PLD5: variants seen among roughly 807,000 people sequenced by gnomAD.
PLD5 encodes the protein phospholipase D family member 5, also known as inactive phospholipase D5.
In PLD5, 36 loss-of-function variants were observed where a neutral mutation model predicts 61.1. That is an observed-to-expected ratio of 0.59 (90% confidence interval 0.45 to 0.78). PLD5 has a LOEUF of 0.78. Ranked by LOEUF, PLD5 falls within the 30% of genes least tolerant of loss-of-function variation. PLD5 has a pLI of 0.00. For synonymous variants in PLD5, 243 were observed against 242.8 expected (o/e 1.00, Z -0.01); for missense variants, 515 against 644.4 (o/e 0.80, Z 2.17).
chr1:242,512,390 A>G (rs1464830143), intron 1 of PLD5, among the ~76,000 whole-genome samples: 2 of 145,196 alleles, frequency 1.4e-5, no homozygotes, highest in Admixed American at 7.0e-5. Context: ...ACTGCACTCC[A>G]GCCCGGGTGA....
chr1:242,308,848 C>T (rs1449344959), intron 2 of PLD5, among the ~76,000 whole-genome samples: 2 of 152,146 alleles, frequency 1.3e-5, no homozygotes, highest in Admixed American at 6.5e-5. Flanking sequence ...CTCTCATTCT[C>T]GCTTGCTTAA....
intron 7 of PLD5, among the ~76,000 whole-genome samples, chr1:242,111,304 A>C (rs1661478591): frequency 6.6e-6 from 1 of 151,966 alleles, no homozygotes; most frequent in Admixed American, 6.6e-5. Context: ...TGATCGGCCC[A>C]CCTCGGCCTC....
intron 5 of PLD5, among the ~76,000 whole-genome samples, chr1:242,132,236 G>A (rs1466304268): frequency 7.3e-6 from 1 of 137,034 alleles, no homozygotes; most frequent in African/African-American, 2.7e-5. Context: ...GGTCATGAGA[G>A]GCAGCATAAA....
At chr1:242,418,215 T>C (rs1664934050) in intron 1 of PLD5, among the ~76,000 whole-genome samples, 1 of 152,006 alleles carries the variant, frequency 6.6e-6, no homozygotes, top group South Asian at 2.1e-4. Context: ...AACCCTAAGG[T>C]TTTTAGCCTG....
chr1:242,225,648 T>C lies in PLD5; in HGVS notation c.608-5533A>G, dbSNP rs888336058. Reference sequence around the variant, plus strand: ...TGCTGTTGAGTGATATTTCATGGTATGGAATGCACCACACATAACGCACGT... The same window carrying C: ...TGCTGTTGAGTGATATTTCATGGTACGGAATGCACCACACATAACGCACGT... On this transcript the variant is annotated intron_variant, in intron 4 of 9. Coordinates refer to ENST00000536534, the MANE Select transcript of PLD5 (RefSeq NM_001372062.1). 3.3e-5 allele frequency among the ~76,000 whole-genome samples: 5 copies of C among 152,240 alleles called. No individual in the cohort carries two copies. In the East Asian group the frequency reaches 9.6e-4, roughly 29 times the overall value.
chr1:242,493,197 C>CCT (rs1266666309), intron 1 of PLD5, among the ~76,000 whole-genome samples: 1 of 152,152 alleles, frequency 6.6e-6, no homozygotes, highest in Non-Finnish European at 1.5e-5. Context: ...AATTACCCTT[C>CCT]CTGTCATACA....
At chr1:242,154,640 T>G (rs543774459) in intron 5 of PLD5, among the ~76,000 whole-genome samples, 1 of 152,294 alleles carries the variant, frequency 6.6e-6, no homozygotes, top group African/African-American at 2.4e-5. Context: ...ATGTAATGGA[T>G]TACATTTATT....
intron 1 of PLD5, among the ~76,000 whole-genome samples, chr1:242,464,027 C>T (rs769424261): frequency 3.9e-5 from 6 of 152,118 alleles, no homozygotes; most frequent in Non-Finnish European, 5.9e-5. Context: ...ATGGCCTCCA[C>T]GCTGCCAAGT....
At position 242,189,184 on chromosome 1, in the gene PLD5, C is replaced by T. The variant is rs543508065; in HGVS notation, c.735+30804G>A. 5.3e-5 allele frequency among the ~76,000 whole-genome samples: 8 copies of T among 152,256 alleles called. No homozygotes were observed. The South Asian group carries it at 1.0e-3, about 20-fold the overall frequency. On this transcript the variant is annotated intron_variant, in intron 5 of 9. Coordinates refer to ENST00000536534, the MANE Select transcript of PLD5 (RefSeq NM_001372062.1). ...GCTCTGGGCCAGGTGTGGTGGCTCA[C>T]GCCTGTAATCCCAGCACTTTGGGAG...
chr1:242,366,369 A>T (rs1337609287), intron 1 of PLD5, among the ~76,000 whole-genome samples: 1 of 152,190 alleles, frequency 6.6e-6, no homozygotes, highest in Admixed American at 6.5e-5. Context: ...ATCTATCATC[A>T]GTTACACAGT....
chr1:242,168,006 G>GC (rs1666452623), intron 5 of PLD5, among the ~76,000 whole-genome samples: 1 of 152,188 alleles, frequency 6.6e-6, no homozygotes, highest in Non-Finnish European at 1.5e-5. Flanking sequence ...ACATGCTGAG[G>GC]TGCCACTGCA....
chr1:242,524,311 G>A lies in PLD5; in HGVS notation c.-35C>T, dbSNP rs1393612563. 3 of 1,376,084 alleles carry A rather than the reference G, an allele frequency of 2.2e-6. No homozygotes were observed. Among genetic ancestry groups the A allele is most frequent in the Non-Finnish European group, 2.8e-6 (3 of 1,073,280 alleles). 85.2% of individuals were successfully genotyped at this position (1,376,084 alleles called of 1,614,324 possible). A position where few individuals can be genotyped will look rare whatever the true frequency, so the allele number is the denominator to read the frequency against. Reference sequence around the variant, plus strand: ...ACCGGGCGGCCGCCGGCGAGCAGCGGACTCGGGACGGGCGCGCGGGGAGCC... The same window carrying A: ...ACCGGGCGGCCGCCGGCGAGCAGCGAACTCGGGACGGGCGCGCGGGGAGCC... On this transcript the variant is annotated 5_prime_UTR_variant, in exon 1 of 10. Coordinates refer to ENST00000536534, the MANE Select transcript of PLD5 (RefSeq NM_001372062.1).
chr1:242,480,051 GAA>G (rs199551635), intron 1 of PLD5, among the ~76,000 whole-genome samples: 1 of 132,346 alleles, frequency 7.6e-6, no homozygotes, highest in South Asian at 2.4e-4. Flanking sequence ...CTCTGTCTCA[GAA>G]AAAAAAAAAA....
chr1:242,305,812 G>A (rs188756177), intron 2 of PLD5, among the ~76,000 whole-genome samples: 44 of 152,204 alleles, frequency 2.9e-4, no homozygotes, highest in African/African-American at 8.9e-4. Context: ...CGCCCGCCTC[G>A]GCCTTCCAAA....
chr1:242,364,853 G>A (rs1313025595), intron 1 of PLD5, among the ~76,000 whole-genome samples: 1 of 151,734 alleles, frequency 6.6e-6, no homozygotes, highest in Admixed American at 6.6e-5. Flanking sequence ...ATAATAAAGA[G>A]CAGAATTCAA....
At chr1:242,510,093 G>C (rs1304411209) in intron 1 of PLD5, among the ~76,000 whole-genome samples, 2 of 152,106 alleles carry the variant, frequency 1.3e-5, no homozygotes, top group African/African-American at 4.8e-5. Flanking sequence ...GAATGGGCTG[G>C]TGTTGGAAAG....
chr1:242,255,661 G>C (rs1380682166), intron 4 of PLD5, among the ~76,000 whole-genome samples: 1 of 152,122 alleles, frequency 6.6e-6, no homozygotes, highest in Non-Finnish European at 1.5e-5. Context: ...CAAAGATTTT[G>C]TTAAGCCTAA....
At chr1:242,392,878 G>A (rs548094763) in intron 1 of PLD5, among the ~76,000 whole-genome samples, 14 of 152,268 alleles carry the variant, frequency 9.2e-5, no homozygotes, top group African/African-American at 3.4e-4. Flanking sequence ...TTATAATGAA[G>A]AAATTAAACA....
intron 5 of PLD5, among the ~76,000 whole-genome samples, chr1:242,161,283 T>G (rs1274806684): frequency 6.6e-6 from 1 of 151,980 alleles, no homozygotes; most frequent in Non-Finnish European, 1.5e-5. Flanking sequence ...GGCAAGAGCA[T>G]GTGCAGGGGA....
Sources: gnomAD v4.1 joint callset for allele counts (sites outside exome capture counted in the v4.1 genomes callset) on GRCh38, gnomAD v4.1.1 for gene constraint, MANE v1.5 for transcripts, NCBI Gene and HGNC (gene_info 2026-07-23, HGNC 2026-07-21) for gene names.